NRXN1: variants seen among roughly 807,000 people sequenced by gnomAD.
The protein encoded by NRXN1 is neurexin-1.
Under a neutral mutation model 150.9 loss-of-function variants are expected in NRXN1, and 39 were observed. The observed-to-expected ratio is 0.26, with a 90% confidence interval of 0.20 to 0.34. The LOEUF is 0.34. NRXN1 is among the 10% of genes least tolerant of loss of function. The pLI, the probability that NRXN1 is intolerant of heterozygous loss-of-function variation, is 1.00. For missense variants in NRXN1, 1,815 were observed against 1,949.9 expected (o/e 0.93, Z 1.30); for synonymous variants, 924 against 757.0 (o/e 1.22, Z -3.62).
At chr2:50,078,457 C>G (rs1469517802) in intron 19 of NRXN1, among the ~76,000 whole-genome samples, 1 of 151,750 alleles carries the variant, frequency 6.6e-6, no homozygotes, top group East Asian at 1.9e-4. Context: ...AACCATTAGG[C>G]AGTTATCAAA....
chr2:50,248,336 G>C (rs1218318192), intron 17 of NRXN1, among the ~76,000 whole-genome samples: 1 of 152,088 alleles, frequency 6.6e-6, no homozygotes, highest in Non-Finnish European at 1.5e-5. Flanking sequence ...TAAGATTCTT[G>C]GCCATGGGAA....
In NRXN1 at chr2:50,888,179, T is replaced by G. The variant is rs540832671; in HGVS notation, c.832+33690A>C. Among the ~76,000 whole-genome samples the G allele has an allele frequency of 6.5e-4, 99 of 151,604 alleles. 2 individuals are homozygous for G. The South Asian group carries it at 0.02, about 30-fold the overall frequency. On this transcript the variant is annotated intron_variant, in intron 5 of 22. Transcript: ENST00000401669. ...AAGTATAGAGCTTCAAGAAAAATGA[T>G]ATCAATACTAACCCCAAACATTAAA...
chr2:50,297,923 A>C (rs192880315), intron 17 of NRXN1, among the ~76,000 whole-genome samples: 2 of 152,266 alleles, frequency 1.3e-5, no homozygotes, highest in East Asian at 3.9e-4. Flanking sequence ...ATAAAACAAA[A>C]TCCGGGCACT....
At chr2:50,406,557 C>T (rs1343142126) in intron 17 of NRXN1, among the ~76,000 whole-genome samples, 1 of 152,082 alleles carries the variant, frequency 6.6e-6, no homozygotes, top group Admixed American at 6.5e-5. Context: ...CAGGAAGATA[C>T]TTCATAGCTA....
intron 6 of NRXN1, among the ~76,000 whole-genome samples, chr2:50,621,870 T>A (rs1040753485): frequency 6.6e-6 from 1 of 152,164 alleles, no homozygotes; most frequent in African/African-American, 2.4e-5. Context: ...TTGTGTTTAA[T>A]CTGTCCTGCT....
intron 5 of NRXN1, among the ~76,000 whole-genome samples, chr2:50,819,341 T>C (rs1342523207): frequency 6.6e-6 from 1 of 152,178 alleles, no homozygotes; most frequent in East Asian, 1.9e-4. Context: ...TGAAATATTA[T>C]TCTTCCTTAG....
At chr2:50,506,877 C>A (rs574550827) in intron 12 of NRXN1, 8 of 424,308 alleles carry the variant, frequency 1.9e-5, no homozygotes, top group Non-Finnish European at 3.4e-5. Flanking sequence ...ATTTAAGAAT[C>A]TTTAATCCTA....
At chr2:50,080,236 C>T (rs904055189) in intron 19 of NRXN1, among the ~76,000 whole-genome samples, 44 of 152,054 alleles carry the variant, frequency 2.9e-4, no homozygotes, top group Admixed American at 5.9e-4. Flanking sequence ...AGGCCACATT[C>T]GCAGAACTTT....
At chr2:49,941,007 T>C (rs774292591) in intron 22 of NRXN1, among the ~76,000 whole-genome samples, 4 of 152,064 alleles carry the variant, frequency 2.6e-5, no homozygotes, top group Non-Finnish European at 4.4e-5. Context: ...TTAAAGTAGC[T>C]GTCGTTAGAT....
In NRXN1 at chr2:50,750,946, T is replaced by C. The variant is rs1700525522; in HGVS notation, c.833-127331A>G. On this transcript the variant is annotated intron_variant, in intron 5 of 22. Transcript: ENST00000401669. ...TGGGACCAGCCCTTCTCTGTTTTAT[T>C]TCCTCTTCCTTAATAGGTAGCTATG... Among the ~76,000 whole-genome samples, 4 of 152,162 alleles carry C rather than the reference T, an allele frequency of 2.6e-5. No individual in the cohort carries two copies. The South Asian group carries it at 8.3e-4, about 32-fold the overall frequency.
chr2:50,434,668 T>C (rs1463385105), intron 17 of NRXN1, among the ~76,000 whole-genome samples: 2 of 152,006 alleles, frequency 1.3e-5, no homozygotes, highest in East Asian at 3.9e-4. Flanking sequence ...TAAAAACAAT[T>C]TTTTAAAAAA....
intron 18 of NRXN1, among the ~76,000 whole-genome samples, chr2:50,113,430 G>A (rs1465217262): frequency 6.6e-6 from 1 of 152,158 alleles, no homozygotes; most frequent in East Asian, 1.9e-4. Context: ...ACTTTTGAAT[G>A]AATTAATATC....
intron 5 of NRXN1, among the ~76,000 whole-genome samples, chr2:50,725,323 T>C (rs541125756): frequency 8.6e-5 from 13 of 151,780 alleles, no homozygotes; most frequent in Admixed American, 5.3e-4. Context: ...AGTGTTTATA[T>C]GTGGAAAGTT....
chr2:51,003,997 C>T (rs973476191), intron 2 of NRXN1, among the ~76,000 whole-genome samples: 2 of 151,716 alleles, frequency 1.3e-5, no homozygotes, highest in Non-Finnish European at 2.9e-5. Flanking sequence ...TGCCTTCGCT[C>T]TTTATCCTGG....
chr2:50,746,001 C>G (rs1699981891), intron 5 of NRXN1, among the ~76,000 whole-genome samples: 2 of 152,146 alleles, frequency 1.3e-5, no homozygotes, highest in Admixed American at 1.3e-4. Flanking sequence ...AGCCCAGCCT[C>G]TTCTGTGTTC....
chr2:50,324,105 T>C (rs1021923762), intron 17 of NRXN1, among the ~76,000 whole-genome samples: 1 of 152,168 alleles, frequency 6.6e-6, no homozygotes, highest in African/African-American at 2.4e-5. Flanking sequence ...AAGAAAGCAA[T>C]ACTTAGCAAA....
At chr2:50,320,251 A>G (rs1311669386) in intron 17 of NRXN1, among the ~76,000 whole-genome samples, 2 of 139,604 alleles carry the variant, frequency 1.4e-5, no homozygotes, top group African/African-American at 5.2e-5. Flanking sequence ...TCAATTTTTT[A>G]AAAAGGTATT....
chr2:50,073,425 T>A (rs1010857521), intron 19 of NRXN1, among the ~76,000 whole-genome samples: 2 of 152,156 alleles, frequency 1.3e-5, no homozygotes, highest in African/African-American at 4.8e-5. Flanking sequence ...TCTTCCACTA[T>A]CCTTTGTTCT....
intron 22 of NRXN1, among the ~76,000 whole-genome samples, chr2:49,935,970 T>A (rs989109028): frequency 3.9e-5 from 6 of 152,214 alleles, no homozygotes; most frequent in Admixed American, 3.3e-4. Flanking sequence ...ACAGGACATG[T>A]GCCATACTGT....
Sources: gnomAD v4.1 joint callset for allele counts (sites outside exome capture counted in the v4.1 genomes callset) on GRCh38, gnomAD v4.1.1 for gene constraint, MANE v1.5 for transcripts, NCBI Gene and HGNC (gene_info 2026-07-23, HGNC 2026-07-21) for gene names.